Variants in RABEP2 observed in about 807,000 individuals in gnomAD.
RABEP2 encodes rab GTPase-binding effector protein 2.
In RABEP2, 57 loss-of-function variants were observed where a neutral mutation model predicts 74.1. The observed-to-expected ratio is 0.77, with a 90% CI of 0.62 to 0.96. The LOEUF (loss-of-function observed/expected upper bound fraction) is 0.96. Ranked by LOEUF, RABEP2 falls within the 40% of genes least tolerant of loss-of-function variation. The pLI is 0.00. For missense variants in RABEP2, 692 were observed against 756.3 expected, an observed-to-expected ratio of 0.91 and a Z score of 1.00; for synonymous variants, 351 against 344.0, an observed-to-expected ratio of 1.02 and a Z score of -0.23.
In RABEP2 at chr16:28,906,180, A is replaced by T; in HGVS notation, c.1262T>A (p.Leu421Gln). The T allele has an allele frequency of 6.3e-7, 1 of 1,590,380 alleles. No individual in the cohort carries two copies. The highest frequency in any genetic ancestry group is 1.3e-5 in the African/African-American group (1 of 74,844). ...PSSVPELQQLLCCTRQEARAR... is the reference protein window; with the variant it reads ...PSSVPELQQLQCCTRQEARAR... ...CCTCGCCTCTTGCCGCGTGCAGCAC[A>T]GCAGCTGCTGCAGCTCCTGGAAGGG... Residue 421 changes from leucine (L) to glutamine (Q), a missense_variant, in exon 9 of 13, where the codon CTG becomes CAG. By Grantham distance (113) the Leu-to-Gln change is moderately radical. Coordinates refer to ENST00000358201, the MANE Select transcript of RABEP2 (RefSeq NM_024816.3).
At chr16:28,924,080 G>A (rs1168263972) in intron 2 of RABEP2, 5 of 375,764 alleles carry the variant, frequency 1.3e-5, no homozygotes, top group African/African-American at 4.1e-5. Context: ...ACTAAAATGA[G>A]GTTGGTTTGG....
At chr16:28,908,830 A>C (rs1196222861) in intron 7 of RABEP2, 66 bp from the exon 8 acceptor site, 5 of 1,470,574 alleles carry the variant, frequency 3.4e-6, no homozygotes, top group Admixed American at 2.0e-5. Context: ...TAGGAGGCCA[A>C]ACCTCCTTGA....
chr16:28,922,503 C>T (rs1034560000), intron 2 of RABEP2, among the ~76,000 whole-genome samples: 1 of 151,834 alleles, frequency 6.6e-6, no homozygotes, highest in Non-Finnish European at 1.5e-5. Context: ...AGGCAGATCA[C>T]GAGGTCAGGA....
chr16:28,925,168 T>C lies in RABEP2; in HGVS notation c.-5A>G, dbSNP rs1964519219. The C allele has an allele frequency of 6.5e-7, 1 of 1,528,972 alleles. No homozygotes were observed. The highest frequency in any genetic ancestry group is 2.0e-5 in the Admixed American group (1 of 49,526). 94.7% of individuals were successfully genotyped at this position (1,528,972 alleles called of 1,614,324 possible). On this transcript the variant is annotated 5_prime_UTR_variant, in exon 1 of 13. Coordinates refer to ENST00000358201, the MANE Select transcript of RABEP2 (RefSeq NM_024816.3). ...CACCGGCGCAGCTGCCGCCATTGCCTCAGCGCAAACGGCGGATTCCCGCAC... is the reference window on the plus strand; with the variant it reads ...CACCGGCGCAGCTGCCGCCATTGCCCCAGCGCAAACGGCGGATTCCCGCAC...
chr16:28,904,898 G>A lies in RABEP2; in HGVS notation c.*45C>T. On this transcript the variant is annotated 3_prime_UTR_variant, in exon 13 of 13. Coordinates refer to ENST00000358201, the MANE Select transcript of RABEP2 (RefSeq NM_024816.3). ...GCGAGGCCTCATGGTTCAGGAGTGG[G>A]GAAAGGCGTCTTTCCCAGGGTGGGG... 1 of 1,447,096 alleles carries A rather than the reference G, an allele frequency of 6.9e-7. No homozygotes were observed. Among genetic ancestry groups the A allele is most frequent in the Non-Finnish European group, 9.6e-7 (1 of 1,037,532 alleles). The allele number at this position is 1,447,096 out of a possible 1,614,324, so 89.6% of individuals were successfully genotyped here. A position where few individuals can be genotyped will look rare whatever the true frequency, so the allele number is the denominator to read the frequency against.
intron 11 of RABEP2, 37 bp downstream of exon 11, chr16:28,905,667 G>A (rs745507881): frequency 1.2e-6 from 2 of 1,607,910 alleles, no homozygotes; most frequent in Non-Finnish European, 1.7e-6. Context: ...CCACAGCTGG[G>A]TCCCTCTCCT....
rs376751842 is a variant in RABEP2, at chr16:28,906,660, G to C, written c.1246-464C>G. 1.7e-4 allele frequency among the ~76,000 whole-genome samples: 26 copies of C among 152,154 alleles called. 1 individual carries two copies. Among genetic ancestry groups the C allele is most frequent in the East Asian group, 9.6e-4 (5 of 5,192 alleles). The stretch of plus-strand genomic sequence containing the variant: ...CACGCCTGTAGTCCCAGCTACTCCG[G>C]AGGCTGAGGCAGAAGAATCACTTGA... On this transcript the variant is annotated intron_variant, in intron 8 of 12. Transcript: ENST00000358201.
At chr16:28,921,188 C>T (rs555156313) in intron 2 of RABEP2, 27 of 455,806 alleles carry the variant, frequency 5.9e-5, no homozygotes, top group African/African-American at 2.8e-4. Flanking sequence ...TAAATATTTA[C>T]GCTGGATCAG....
At position 28,904,630 on chromosome 16, in the gene RABEP2, G is replaced by A; in HGVS notation, c.*313C>T. 1 of 954,500 alleles carries A rather than the reference G, an allele frequency of 1.0e-6. No individual in the cohort carries two copies. Among genetic ancestry groups the A allele is most frequent in the South Asian group, 1.7e-5 (1 of 59,462 alleles). 59.1% of individuals were successfully genotyped at this position (954,500 alleles called of 1,614,324 possible). ...TGGCTCCGCTGTGCCCTGGGCAGGG[G>A]ACGGGCTGGGGGCAGGGGAGGGCTG... On this transcript the variant is annotated 3_prime_UTR_variant, in exon 13 of 13. Coordinates refer to ENST00000358201, the MANE Select transcript of RABEP2 (RefSeq NM_024816.3).
In RABEP2 at chr16:28,914,730, T is replaced by G. The variant is rs748641478; in HGVS notation, c.485A>C (p.Glu162Ala). ...CAGCTTCGCCTTCAGCTCCTCGATC[T>G]CCTTTTCCATGGGCAGTACGATCTC... Reference protein sequence around the residue: ...LREIVLPMEKEIEELKAKLLR... With the variant: ...LREIVLPMEKAIEELKAKLLR... Residue 162 changes from glutamate to alanine, a missense_variant, in exon 4 of 13, where the codon GAG becomes GCG. By Grantham distance (107) the Glu-to-Ala change is moderately radical. Transcript: ENST00000358201. 4 of 1,614,126 alleles carry G rather than the reference T, an allele frequency of 2.5e-6. No homozygotes were observed. In the Admixed American group the frequency reaches 6.7e-5, roughly 27 times the overall value.
intron 2 of RABEP2, 115 bp downstream of exon 2, chr16:28,924,288 T>G (rs538013423): frequency 9.6e-7 from 1 of 1,043,268 alleles, no homozygotes; most frequent in East Asian, 2.5e-5. Flanking sequence ...GCATGCCCTG[T>G]GCCAGGCAGC....
At chr16:28,924,791 G>A in intron 1 of RABEP2, 176 bp from the exon 2 acceptor site, 1 of 722,188 alleles carries the variant, frequency 1.4e-6, no homozygotes, top group Non-Finnish European at 2.4e-6. Context: ...TCTGCCGGGT[G>A]CTGCCTACAC....
At chr16:28,912,304 C>T (rs574075332) in intron 5 of RABEP2, among the ~76,000 whole-genome samples, 1 of 152,074 alleles carries the variant, frequency 6.6e-6, no homozygotes, top group South Asian at 2.1e-4. Context: ...TGCGGCCATC[C>T]CCTGGTCCAA....
In RABEP2 at chr16:28,905,061, G is replaced by C; in HGVS notation, c.1609-17C>G. ...TAGGCGCACCTGCCGGATCGGACGA[G>C]GGGAGCAGAGTGCACTTGTGGGGAA... On this transcript the variant is annotated splice_polypyrimidine_tract_variant and intron_variant, in intron 12 of 12. Coordinates refer to ENST00000358201, the MANE Select transcript of RABEP2 (RefSeq NM_024816.3). 2 of 1,588,002 alleles carry C rather than the reference G, an allele frequency of 1.3e-6. No homozygotes were observed. The highest frequency in any genetic ancestry group is 1.7e-6 in the Non-Finnish European group (2 of 1,169,620).
At chr16:28,905,627 G>C in intron 11 of RABEP2, 77 bp downstream of exon 11, 1 of 1,553,062 alleles carries the variant, frequency 6.4e-7, no homozygotes, top group South Asian at 1.2e-5. Context: ...GGGAGACACA[G>C]AGGGCGGGAG....
intron 3 of RABEP2, among the ~76,000 whole-genome samples, chr16:28,915,258 T>C (rs548588533): frequency 6.8e-6 from 1 of 146,246 alleles, no homozygotes; most frequent in East Asian, 2.1e-4. Flanking sequence ...AGGATCTTGC[T>C]ATGTTGCCCA....
At chr16:28,908,869 G>T in intron 7 of RABEP2, 105 bp from the exon 8 acceptor site, 1 of 1,195,682 alleles carries the variant, frequency 8.4e-7, no homozygotes, top group Non-Finnish European at 1.2e-6. Context: ...CAGCAAGAGA[G>T]CCCATACCCT....
intron 2 of RABEP2, among the ~76,000 whole-genome samples, chr16:28,921,583 C>T (rs1374004275): frequency 6.6e-6 from 1 of 151,094 alleles, no homozygotes; most frequent in Non-Finnish European, 1.5e-5. Flanking sequence ...AATGTGACGC[C>T]AAGAGGTTTG....
At position 28,908,690 on chromosome 16, in the gene RABEP2, C is replaced by A; in HGVS notation, c.1164G>T (p.Arg388=). ...GGGCTGAGGATGGCAGCTGCTCGGC[C>A]CGGAGCCCTTGGTTTTCCTCATTCA... The part of the protein sequence containing the change: ...KRLNEENQGL[R]AEQLPSSAPQ... Residue 388 remains arginine (R), a synonymous_variant, in exon 8 of 13, where the codon CGG becomes CGT. Coordinates refer to ENST00000358201, the MANE Select transcript of RABEP2 (RefSeq NM_024816.3). The A allele has an allele frequency of 6.2e-7, 1 of 1,614,216 alleles. No individual in the cohort carries two copies. The highest frequency in any genetic ancestry group is 1.1e-5 in the South Asian group (1 of 91,080).
Sources: allele counts gnomAD v4.1 joint callset (sites outside exome capture counted in the v4.1 genomes callset), GRCh38; gene constraint gnomAD v4.1.1; transcripts MANE v1.5; gene names NCBI Gene and HGNC (gene_info 2026-07-23, HGNC 2026-07-21).